FIP1L1: variants seen among roughly 807,000 people sequenced by gnomAD.
FIP1L1 encodes the protein pre-mRNA 3'-end-processing factor FIP1.
Under a neutral mutation model 84.6 loss-of-function variants are expected in FIP1L1, and 21 were observed. The ratio of observed to expected loss-of-function variants is 0.25; its 90% CI spans 0.18 to 0.36. The LOEUF (loss-of-function observed/expected upper bound fraction) is 0.36. FIP1L1 is among the 10% of genes least tolerant of loss of function. The pLI is 1.00. For synonymous variants in FIP1L1, 263 were observed against 242.3 expected (o/e 1.09, Z -0.80); for missense variants, 526 against 751.1 (o/e 0.70, Z 3.50).
At chr4:53,419,077 T>C (rs1296716675) in intron 11 of FIP1L1, among the ~76,000 whole-genome samples, 1 of 152,186 alleles carries the variant, frequency 6.6e-6, no homozygotes, top group Non-Finnish European at 1.5e-5. Flanking sequence ...TCTTTTCCTA[T>C]CATTGATACA....
intron 1 of FIP1L1, chr4:53,378,801 A>G (rs974888924): frequency 6.6e-6 from 3 of 457,170 alleles, no homozygotes; most frequent in Non-Finnish European, 7.7e-6. Context: ...TTAGAATAGA[A>G]TAGTAAAAGT....
At chr4:53,432,045 C>G (rs1766919672) in intron 13 of FIP1L1, among the ~76,000 whole-genome samples, 1 of 152,036 alleles carries the variant, frequency 6.6e-6, no homozygotes, top group East Asian at 1.9e-4. Flanking sequence ...GAAGAGATGT[C>G]TGGAAGTGCA....
chr4:53,399,645 G>A (rs1278907663), intron 9 of FIP1L1, 85 bp from the exon 10 acceptor site: 2 of 838,162 alleles, frequency 2.4e-6, no homozygotes, highest in Non-Finnish European at 3.9e-6. Flanking sequence ...CAAATTAAAT[G>A]TTGTAAACTT....
At chr4:53,441,823 T>G (rs1008830770) in intron 13 of FIP1L1, among the ~76,000 whole-genome samples, 1 of 151,946 alleles carries the variant, frequency 6.6e-6, no homozygotes, top group Non-Finnish European at 1.5e-5. Context: ...GAGACTTAAG[T>G]TAGATAATTT....
intron 9 of FIP1L1, among the ~76,000 whole-genome samples, chr4:53,396,345 G>A (rs1747308339): frequency 6.6e-6 from 1 of 152,176 alleles, no homozygotes; most frequent in Non-Finnish European, 1.5e-5. Flanking sequence ...CAATTACATG[G>A]TGAGAAAAAG....
chr4:53,426,764 A>T (rs1764523191), intron 12 of FIP1L1, among the ~76,000 whole-genome samples: 1 of 152,158 alleles, frequency 6.6e-6, no homozygotes. Flanking sequence ...TGATAGCTTC[A>T]TTGGATAAAT....
chr4:53,379,560 C>T (rs1377456574), intron 3 of FIP1L1, among the ~76,000 whole-genome samples: 1 of 152,134 alleles, frequency 6.6e-6, no homozygotes, highest in Non-Finnish European at 1.5e-5. Context: ...ACAGTATAAT[C>T]GTTAAGCTAC....
chr4:53,443,427 G>A (rs529026382), intron 14 of FIP1L1, among the ~76,000 whole-genome samples: 2 of 152,218 alleles, frequency 1.3e-5, no homozygotes, highest in East Asian at 3.9e-4. Flanking sequence ...AAGAGTTATT[G>A]TTATTTCCTC....
intron 1 of FIP1L1, chr4:53,378,634 C>T (rs1736061413): frequency 6.3e-6 from 1 of 159,858 alleles, no homozygotes; most frequent in Non-Finnish European, 1.4e-5. Flanking sequence ...ATTTGTTTTT[C>T]TCAAAATAAA....
At chr4:53,404,308 G>A (rs10034804) in intron 10 of FIP1L1, among the ~76,000 whole-genome samples, 122,347 of 150,744 alleles carry the variant, frequency 0.81, 49,787 homozygotes, top group Middle Eastern at 0.85. Flanking sequence ...ATGATTTCCA[G>A]TTTCATCCAT....
At chr4:53,456,320 GT>G (rs1718889238) in intron 16 of FIP1L1, among the ~76,000 whole-genome samples, 1 of 152,090 alleles carries the variant, frequency 6.6e-6, no homozygotes. Flanking sequence ...ATATTACTGA[GT>G]TTTTATTGAA....
At chr4:53,440,020 A>G (rs1305857929) in intron 13 of FIP1L1, among the ~76,000 whole-genome samples, 1 of 151,988 alleles carries the variant, frequency 6.6e-6, no homozygotes, top group Non-Finnish European at 1.5e-5. Context: ...GGGTGTATAT[A>G]TATGAATTGG....
intron 5 of FIP1L1, among the ~76,000 whole-genome samples, chr4:53,388,704 C>T (rs1469256878): frequency 6.6e-6 from 1 of 152,142 alleles, no homozygotes; most frequent in Non-Finnish European, 1.5e-5. Flanking sequence ...CTTCTAACTT[C>T]CCTAGTAACA....
intron 10 of FIP1L1, among the ~76,000 whole-genome samples, chr4:53,404,258 G>A (rs1289070439): frequency 6.8e-6 from 1 of 147,154 alleles, no homozygotes; most frequent in Non-Finnish European, 1.5e-5. Flanking sequence ...AGAATATGCG[G>A]TGTTTGGTTT....
At chr4:53,418,296 A>C (rs1275076606) in intron 11 of FIP1L1, among the ~76,000 whole-genome samples, 2 of 152,092 alleles carry the variant, frequency 1.3e-5, no homozygotes, top group East Asian at 1.9e-4. Flanking sequence ...TAAATAAATA[A>C]ATACATAAAT....
chr4:53,409,984 T>C (rs1217816396), intron 10 of FIP1L1, among the ~76,000 whole-genome samples: 2 of 152,232 alleles, frequency 1.3e-5, no homozygotes, highest in Admixed American at 1.3e-4. Flanking sequence ...TCGCCCATGG[T>C]GCGCTGCACC....
chr4:53,419,586 A>G (rs1404636217), intron 11 of FIP1L1, among the ~76,000 whole-genome samples: 1 of 152,036 alleles, frequency 6.6e-6, no homozygotes, highest in African/African-American at 2.4e-5. Flanking sequence ...GACTACAGGC[A>G]TGCCCACCAT....
chr4:53,377,645 A>C lies in FIP1L1; in HGVS notation c.-194A>C. On this transcript the variant is annotated 5_prime_UTR_variant, in exon 1 of 18. The change abolishes an upstream ATG in the 5' untranslated region. Coordinates refer to ENST00000337488, the MANE Select transcript of FIP1L1 (RefSeq NM_030917.4). ...GCCGCGCCGCTTGGGTCTCCTGCGC[A>C]TGCGCAGACGGACCTGCGCTGGAGG... is the stretch of plus-strand genomic sequence containing the variant. The C allele has an allele frequency of 1.0e-5, 5 of 483,532 alleles. No individual in the cohort carries two copies. Among genetic ancestry groups the C allele is most frequent in the Non-Finnish European group, 1.8e-5 (5 of 280,706 alleles). The allele number at this position is 483,532 out of a possible 1,614,324, so 30.0% of individuals were successfully genotyped here. A position where few individuals can be genotyped will look rare whatever the true frequency, so the allele number is the denominator to read the frequency against.
rs190362593 is a variant in FIP1L1 at position 53,452,039 on chromosome 4, G to A, written c.1286-881G>A. ...GCTGCGATTACAGGCACCTGCCACC[G>A]CACCCTGCTAATTTTTGTATTTTTA... On this transcript the variant is annotated intron_variant, in intron 15 of 17. Transcript: ENST00000337488. Among the ~76,000 whole-genome samples, 252 of 151,576 alleles carry A rather than the reference G, an allele frequency of 1.7e-3. 1 individual carries two copies. Among genetic ancestry groups the A allele is most frequent in the African/African-American group, 5.8e-3 (239 of 41,346 alleles).
Sources: allele counts gnomAD v4.1 joint callset (sites outside exome capture counted in the v4.1 genomes callset), GRCh38; gene constraint gnomAD v4.1.1; transcripts MANE v1.5; gene names NCBI Gene and HGNC (gene_info 2026-07-23, HGNC 2026-07-21).